ENAH: variants seen among roughly 807,000 people sequenced by gnomAD.
ENAH encodes the protein protein enabled homolog.
ENAH carries 23 observed loss-of-function variants against 78.7 expected under a neutral mutation model. The ratio of observed to expected loss-of-function variants is 0.29; its 90% confidence interval spans 0.21 to 0.41. The LOEUF (loss-of-function observed/expected upper bound fraction) is 0.41. Ranked by LOEUF, ENAH falls within the 10% of genes least tolerant of loss-of-function variation. ENAH has a pLI of 1.00. For missense variants in ENAH, 544 were observed against 691.0 expected, an observed-to-expected ratio of 0.79 and a Z score of 2.39; for synonymous variants, 226 against 241.0, an observed-to-expected ratio of 0.94 and a Z score of 0.58.
At chr1:225,620,296 G>A (rs142013981) in intron 1 of ENAH, among the ~76,000 whole-genome samples, 5,251 of 152,034 alleles carry the variant, frequency 0.035, 132 homozygotes, top group Non-Finnish European at 0.055. Flanking sequence ...GGGAGGCCGC[G>A]GCAGGTAGAT....
At chr1:225,642,697 G>A (rs1300184471) in intron 1 of ENAH, among the ~76,000 whole-genome samples, 1 of 152,002 alleles carries the variant, frequency 6.6e-6, no homozygotes, top group Non-Finnish European at 1.5e-5. Context: ...CAGTAATATC[G>A]GATACGATAT....
intron 1 of ENAH, among the ~76,000 whole-genome samples, chr1:225,648,588 G>T (rs1485475905): frequency 1.3e-5 from 2 of 152,068 alleles, no homozygotes; most frequent in Admixed American, 1.3e-4. Context: ...TTCAAAAAAT[G>T]AAGATTTGGC....
chr1:225,512,763 T>G, intron 8 of ENAH, 49 bp from the exon 9 acceptor site: 1 of 1,609,558 alleles, frequency 6.2e-7, no homozygotes, highest in Non-Finnish European at 8.5e-7. Context: ...TGATTCAGTA[T>G]AAAAACCACT....
rs1246204495 is a variant in ENAH, at chr1:225,536,894, G to A, written c.350-6256C>T. ...ATGCACAATATTTATTTACAGTAAT[G>A]ACATAAGATATAGAAAGACCACAGG... On this transcript the variant is annotated intron_variant, in intron 3 of 13. Transcript: ENST00000366843. 2.6e-5 allele frequency among the ~76,000 whole-genome samples: 4 copies of A among 152,012 alleles called. No individual in the cohort carries two copies. In the South Asian group the frequency reaches 6.2e-4, roughly 24 times the overall value.
At position 225,507,954 on chromosome 1, in the gene ENAH, G is replaced by T; in HGVS notation, c.1535C>A (p.Ser512Tyr). 1 of 1,540,556 alleles carries T rather than the reference G, an allele frequency of 6.5e-7. No homozygotes were observed. ...ACTTAGAGAAAAAAATTGATACCTG[G>T]AGATAACAGGTGACTTGCTGCCATT... ...TMNGSKSPVI[S>Y]RPKSTPLSQP... is the part of the protein sequence containing the mutation. The change falls in exon 11 of 14, where the codon TCC becomes TAC. Residue 512 changes from serine (S) to tyrosine (Y), a missense_variant. This residue lies in a region of ENAH where 97 missense variants were observed against 124.4 expected (regional missense o/e 0.78). Coordinates refer to ENST00000366843, the MANE Select transcript of ENAH (RefSeq NM_018212.6).
At chr1:225,561,029 A>T (rs930614582) in intron 2 of ENAH, among the ~76,000 whole-genome samples, 32 of 152,054 alleles carry the variant, frequency 2.1e-4, no homozygotes, top group Admixed American at 9.8e-4. Context: ...ATGTCAGGAG[A>T]TTGAGACCAT....
chr1:225,601,852 A>G (rs913456296), intron 1 of ENAH, among the ~76,000 whole-genome samples: 4 of 152,032 alleles, frequency 2.6e-5, no homozygotes, highest in African/African-American at 9.7e-5. Context: ...TAGAAAATAT[A>G]TGTTAGAGCC....
At chr1:225,553,142 G>A (rs2096649695) in intron 3 of ENAH, among the ~76,000 whole-genome samples, 1 of 152,122 alleles carries the variant, frequency 6.6e-6, no homozygotes, top group Non-Finnish European at 1.5e-5. Context: ...GCTAAGGAGG[G>A]AGAATCACTC....
chr1:225,649,498 T>C (rs1256674256), intron 1 of ENAH, among the ~76,000 whole-genome samples: 1 of 152,094 alleles, frequency 6.6e-6, no homozygotes, highest in Non-Finnish European at 1.5e-5. Context: ...TTCACATACA[T>C]ACACGCACAC....
rs1023702599 is a variant in ENAH at position 225,495,496 on chromosome 1, C to G, written c.*2279G>C. ...TTTTTTTGTCAGTTTACACATACAT[C>G]ATGTTAATATTAGACCAAGGCACAA... On this transcript the variant is annotated 3_prime_UTR_variant, in exon 14 of 14. Transcript: ENST00000366843. 1.7e-5 allele frequency: 2 copies of G among 115,878 alleles called. No homozygotes were observed. Among genetic ancestry groups the G allele is most frequent in the African/African-American group, 6.8e-5 (2 of 29,362 alleles). The allele number at this position is 115,878 out of a possible 1,614,324, so 7.2% of individuals were successfully genotyped here.
intron 1 of ENAH, among the ~76,000 whole-genome samples, chr1:225,616,919 A>G (rs1655830824): frequency 6.6e-6 from 1 of 152,070 alleles, no homozygotes; most frequent in Non-Finnish European, 1.5e-5. Flanking sequence ...GGCCAAGTGG[A>G]GAAATCCTGT....
intron 10 of ENAH, chr1:225,508,642 A>G (rs558375218): frequency 2.0e-5 from 3 of 152,232 alleles, no homozygotes; most frequent in Non-Finnish European, 4.4e-5. Flanking sequence ...TCTTATTACA[A>G]AAGACACTAT....
chr1:225,606,122 A>G (rs1575692819), intron 1 of ENAH, among the ~76,000 whole-genome samples: 1 of 152,158 alleles, frequency 6.6e-6, no homozygotes, highest in African/African-American at 2.4e-5. Context: ...TTTTAATGTT[A>G]TATTAGACCA....
intron 1 of ENAH, among the ~76,000 whole-genome samples, chr1:225,571,960 G>C (rs2151545282): frequency 1.3e-5 from 2 of 152,206 alleles, no homozygotes; most frequent in East Asian, 3.9e-4. Flanking sequence ...GCGCTTTCCT[G>C]AGTTTTGGGA....
In ENAH at chr1:225,593,105, A is replaced by C. The variant is rs1019473518; in HGVS notation, c.6-25691T>G. Among the ~76,000 whole-genome samples, 3 of 152,278 alleles carry C rather than the reference A, an allele frequency of 2.0e-5. No homozygotes were observed. The South Asian group carries it at 6.2e-4, about 32-fold the overall frequency. On this transcript the variant is annotated intron_variant, in intron 1 of 13. Coordinates refer to ENST00000366843, the MANE Select transcript of ENAH (RefSeq NM_018212.6). Reference sequence around the variant, plus strand: ...ACTACCATATAGCTATAACTATCATATAACAAAAATGCCAGAAAAGATTGA... The same window carrying C: ...ACTACCATATAGCTATAACTATCATCTAACAAAAATGCCAGAAAAGATTGA...
chr1:225,537,596 T>C (rs1558776214), intron 3 of ENAH, among the ~76,000 whole-genome samples: 2 of 152,202 alleles, frequency 1.3e-5, no homozygotes, highest in Non-Finnish European at 1.5e-5. Context: ...AGAACACTTA[T>C]TGTCCAGGTT....
chr1:225,517,398 T>G, intron 5 of ENAH, 92 bp from the exon 6 acceptor site: 7 of 1,551,542 alleles, frequency 4.5e-6, no homozygotes, highest in Non-Finnish European at 6.1e-6. Flanking sequence ...ATCCACAGTG[T>G]GAGAGTGATG....
At chr1:225,619,271 G>C (rs972821119) in intron 1 of ENAH, among the ~76,000 whole-genome samples, 1 of 152,098 alleles carries the variant, frequency 6.6e-6, no homozygotes, top group South Asian at 2.1e-4. Context: ...TGCCAATCAC[G>C]GTGGGTCACG....
At chr1:225,598,868 C>T (rs940411039) in intron 1 of ENAH, among the ~76,000 whole-genome samples, 6 of 150,624 alleles carry the variant, frequency 4.0e-5, no homozygotes, top group South Asian at 2.1e-4. Context: ...AAAAAATCAA[C>T]GGGTGCTAAA....
Sources: gnomAD v4.1 joint callset for allele counts (sites outside exome capture counted in the v4.1 genomes callset) on GRCh38, gnomAD v4.1.1 for gene constraint, gnomAD v4.1.1 regional missense constraint, MANE v1.5 for transcripts, NCBI Gene and HGNC (gene_info 2026-07-23, HGNC 2026-07-21) for gene names.